ZGRF1: variants seen among roughly 807,000 people sequenced by gnomAD.
ZGRF1 encodes 5'-3' DNA helicase ZGRF1.
A neutral mutation model predicts 203.5 loss-of-function variants in ZGRF1; 196 were observed. That is an observed-to-expected ratio of 0.96 (90% CI 0.86 to 1.08). The LOEUF (loss-of-function observed/expected upper bound fraction) is 1.08. Among genes scored for constraint, ZGRF1 ranks in the 50% least tolerant of loss-of-function variants. The probability of loss-of-function intolerance (pLI) is 0.00; values close to 1 mark genes in which losing one functional copy is unlikely to be tolerated. For synonymous variants in ZGRF1, 809 were observed against 841.3 expected, an observed-to-expected ratio of 0.96 and a Z score of 0.66; for missense variants, 2,326 against 2,416.3, an observed-to-expected ratio of 0.96 and a Z score of 0.78.
intron 24 of ZGRF1, chr4:112,546,780 C>T (rs1233276040): frequency 6.6e-6 from 1 of 152,294 alleles, no homozygotes; most frequent in Non-Finnish European, 1.5e-5. Flanking sequence ...TGCCTTCCAC[C>T]ACAGGATGAC....
At chr4:112,635,558 A>C (rs978372496) in intron 1 of ZGRF1, among the ~76,000 whole-genome samples, 2 of 150,974 alleles carry the variant, frequency 1.3e-5, no homozygotes, top group Non-Finnish European at 3.0e-5. Context: ...GTGCTATATT[A>C]TAAACATTAT....
At chr4:112,603,747 A>G in intron 9 of ZGRF1, 50 bp from the exon 10 acceptor site, 1 of 1,383,570 alleles carries the variant, frequency 7.2e-7, no homozygotes, top group African/African-American at 1.5e-5. Context: ...ATGTTGACAT[A>G]TATATTCACA....
rs1463316569 is a variant in ZGRF1 at position 112,554,697 on chromosome 4, A to T, written c.5198+8T>A. The T allele has an allele frequency of 6.9e-7, 1 of 1,453,756 alleles. No homozygotes were observed. Among genetic ancestry groups the T allele is most frequent in the Non-Finnish European group, 9.4e-7 (1 of 1,058,806 alleles). 90.1% of individuals were successfully genotyped at this position (1,453,756 alleles called of 1,614,324 possible). The stretch of plus-strand genomic sequence containing the variant: ...CATTCTGTGACTTCTGGAATTTTGC[A>T]TTCTTACCTATAAGGTAAAATTGGT... On this transcript the variant is annotated splice_region_variant and intron_variant, in intron 21 of 27. Transcript: ENST00000505019.
At position 112,567,870 on chromosome 4, in the gene ZGRF1, G is replaced by A. The variant is rs372263103; in HGVS notation, c.4439-4596C>T. On this transcript the variant is annotated intron_variant, in intron 16 of 27. Coordinates refer to ENST00000505019, the MANE Select transcript of ZGRF1 (RefSeq NM_018392.5). ...GGGCCTAGGAGGTCAACGCTGCAGT[G>A]AGCCGTGATTGCTCTACTCCAGCCT... is the stretch of plus-strand genomic sequence containing the variant. Among the ~76,000 whole-genome samples the A allele has an allele frequency of 5.3e-5, 8 of 152,190 alleles. No individual in the cohort carries two copies. The East Asian group carries it at 1.2e-3, about 22-fold the overall frequency.
chr4:112,556,139 T>C (rs977073708), intron 20 of ZGRF1, among the ~76,000 whole-genome samples: 6 of 152,132 alleles, frequency 3.9e-5, no homozygotes, highest in Non-Finnish European at 8.8e-5. Flanking sequence ...GAGTGTGTAC[T>C]GGAAGAATCT....
intron 4 of ZGRF1, among the ~76,000 whole-genome samples, 199 bp downstream of exon 4, chr4:112,623,618 T>G (rs767818389): frequency 2.0e-5 from 3 of 151,930 alleles, no homozygotes; most frequent in Non-Finnish European, 4.4e-5. Context: ...AAAAATCAGG[T>G]TTTTTTTAGA....
intron 15 of ZGRF1, among the ~76,000 whole-genome samples, chr4:112,582,322 C>G (rs1409101470): frequency 6.7e-6 from 1 of 149,466 alleles, no homozygotes; most frequent in African/African-American, 2.5e-5. Flanking sequence ...TAACCAACCT[C>G]TCTTCATTTC....
chr4:112,566,035 A>G (rs569393803), intron 16 of ZGRF1, among the ~76,000 whole-genome samples: 1 of 152,288 alleles, frequency 6.6e-6, no homozygotes, highest in South Asian at 2.1e-4. Context: ...TGCTATAAAG[A>G]CACATGCACA....
intron 4 of ZGRF1, among the ~76,000 whole-genome samples, chr4:112,622,613 A>T (rs1263555617): frequency 2.3e-4 from 35 of 152,202 alleles, no homozygotes; most frequent in Non-Finnish European, 1.5e-5. Context: ...GACCCTGTAA[A>T]ATCTGTCTGT....
At chr4:112,597,600 TG>T (rs894131578) in intron 10 of ZGRF1, among the ~76,000 whole-genome samples, 22 of 151,734 alleles carry the variant, frequency 1.4e-4, no homozygotes, top group Non-Finnish European at 3.1e-4. Context: ...TACAAAGAAG[TG>T]GGCACAGTGG....
chr4:112,584,215 T>C (rs760586770), intron 14 of ZGRF1, 41 bp from the exon 15 acceptor site: 1 of 1,389,930 alleles, frequency 7.2e-7, no homozygotes. Context: ...GTGAAAAAAA[T>C]GCTTTTATTT....
intron 21 of ZGRF1, 45 bp downstream of exon 21, chr4:112,554,660 C>T: frequency 1.1e-6 from 1 of 929,014 alleles, no homozygotes; most frequent in Non-Finnish European, 1.7e-6. Flanking sequence ...AAGTACCATA[C>T]TTCCCTCTGA....
chr4:112,600,785 A>C (rs577373925), intron 10 of ZGRF1, among the ~76,000 whole-genome samples: 9 of 152,128 alleles, frequency 5.9e-5, no homozygotes, highest in Admixed American at 2.0e-4. Flanking sequence ...GTTCCTTATA[A>C]ATGCTAAACT....
Position 112,547,270 on chromosome 4 carries a change from T to A in ZGRF1, c.5598+15A>T, listed in dbSNP as rs769348093. On this transcript the variant is annotated intron_variant, in intron 24 of 27. Coordinates refer to ENST00000505019, the MANE Select transcript of ZGRF1 (RefSeq NM_018392.5). ...TCAATAAATGATAATTCCGTAAGAA[T>A]TCAGCAGTATGTACCATTAAGCAAA... is the stretch of plus-strand genomic sequence containing the variant. 33 of 1,600,820 alleles carry A rather than the reference T, an allele frequency of 2.1e-5. No individual in the cohort carries two copies. The East Asian group carries it at 7.4e-4, about 36-fold the overall frequency.
intron 16 of ZGRF1, among the ~76,000 whole-genome samples, chr4:112,563,666 A>G (rs1409637063): frequency 2.6e-5 from 4 of 152,276 alleles, no homozygotes. Context: ...GGGCTAGCCC[A>G]TAAGACTATT....
intron 10 of ZGRF1, among the ~76,000 whole-genome samples, chr4:112,603,164 C>A (rs1404646955): frequency 6.6e-6 from 1 of 151,954 alleles, no homozygotes; most frequent in East Asian, 1.9e-4. Context: ...CCTTTGGTAG[C>A]AACTAGAGGT....
chr4:112,571,830 A>C (rs1744270346), intron 16 of ZGRF1, among the ~76,000 whole-genome samples: 1 of 152,246 alleles, frequency 6.6e-6, no homozygotes, highest in Non-Finnish European at 1.5e-5. Flanking sequence ...CAGCCAGGTC[A>C]CATCTAAGAA....
chr4:112,553,760 A>AT, intron 22 of ZGRF1, 75 bp downstream of exon 22: 1 of 1,315,534 alleles, frequency 7.6e-7, no homozygotes, highest in Non-Finnish European at 1.0e-6. Context: ...AGGAAATATT[A>AT]TTTCATCAAC....
intron 10 of ZGRF1, among the ~76,000 whole-genome samples, chr4:112,602,516 A>G (rs921426854): frequency 6.6e-6 from 1 of 152,216 alleles, no homozygotes; most frequent in African/African-American, 2.4e-5. Flanking sequence ...CAGTGACTCA[A>G]TGATGCTACT....
Sources: allele counts gnomAD v4.1 joint callset (sites outside exome capture counted in the v4.1 genomes callset), GRCh38; gene constraint gnomAD v4.1.1; transcripts MANE v1.5; gene names NCBI Gene and HGNC (gene_info 2026-07-23, HGNC 2026-07-21).